GRIK2: variants seen among roughly 807,000 people sequenced by gnomAD.
GRIK2 encodes the protein glutamate ionotropic receptor kainate type subunit 2.
A neutral mutation model predicts 100.3 loss-of-function variants in GRIK2; 32 were observed. The ratio of observed to expected loss-of-function variants is 0.32; its 90% CI spans 0.24 to 0.43. The LOEUF (loss-of-function observed/expected upper bound fraction) is 0.43. Ranked by LOEUF, GRIK2 falls within the 20% of genes least tolerant of loss-of-function variation. The pLI, the probability that GRIK2 is intolerant of heterozygous loss-of-function variation, is 1.00. For synonymous variants in GRIK2, 417 were observed against 389.4 expected (o/e 1.07, Z -0.83); for missense variants, 843 against 1,114.9 (o/e 0.76, Z 3.47).
At chr6:101,504,681 T>C (rs1043131477) in intron 2 of GRIK2, among the ~76,000 whole-genome samples, 2 of 152,064 alleles carry the variant, frequency 1.3e-5, no homozygotes, top group Admixed American at 6.6e-5. Context: ...TTACATAAAA[T>C]ACTCTGTTTA....
chr6:102,032,942 A>G (rs1770074753), intron 14 of GRIK2, among the ~76,000 whole-genome samples: 1 of 151,242 alleles, frequency 6.6e-6, no homozygotes, highest in African/African-American at 2.4e-5. Flanking sequence ...AAAATCCATG[A>G]AATGTATATT....
At chr6:101,755,467 G>T (rs1020969865) in intron 7 of GRIK2, among the ~76,000 whole-genome samples, 2 of 151,844 alleles carry the variant, frequency 1.3e-5, no homozygotes, top group African/African-American at 4.8e-5. Flanking sequence ...GTGCCCGGCC[G>T]CATAAATCAT....
chr6:101,532,824 G>A lies in GRIK2; in HGVS notation c.116-89125G>A, dbSNP rs930297474. 2.6e-5 allele frequency among the ~76,000 whole-genome samples: 4 copies of A among 150,982 alleles called. 2 individuals carry two copies. Reference sequence around the variant, plus strand: ...AACCAATGCAAAAATGCAGACTTGAGTTTAAAGAAGTGAGAAGACAACAAA... The same window carrying A: ...AACCAATGCAAAAATGCAGACTTGAATTTAAAGAAGTGAGAAGACAACAAA... On this transcript the variant is annotated intron_variant, in intron 2 of 16. Transcript: ENST00000369134.
chr6:101,555,545 T>A (rs1776693796), intron 2 of GRIK2, among the ~76,000 whole-genome samples: 1 of 152,194 alleles, frequency 6.6e-6, no homozygotes, highest in Non-Finnish European at 1.5e-5. Flanking sequence ...AAGGCACATA[T>A]AGAATTTAAA....
intron 16 of GRIK2, among the ~76,000 whole-genome samples, chr6:102,060,944 A>G (rs1771720663): frequency 6.6e-6 from 1 of 150,672 alleles, no homozygotes; most frequent in African/African-American, 2.4e-5. Flanking sequence ...AAAAGTATAA[A>G]TAAACTTTGG....
At chr6:101,662,195 TC>T (rs1769677844) in intron 4 of GRIK2, among the ~76,000 whole-genome samples, 1 of 152,206 alleles carries the variant, frequency 6.6e-6, no homozygotes, top group African/African-American at 2.4e-5. Flanking sequence ...ATTAGTCTCT[TC>T]CAATTGCTGG....
rs912003527 is a variant in GRIK2 at position 101,914,230 on chromosome 6, T to C, written c.1749-10371T>C. Reference sequence around the variant, plus strand: ...AAAAGATAGATGATTTTAAGAATTCTAATCTGGATTGTGGGACAATGCTTG... The same window carrying C: ...AAAAGATAGATGATTTTAAGAATTCCAATCTGGATTGTGGGACAATGCTTG... On this transcript the variant is annotated intron_variant, in intron 12 of 16. Coordinates refer to ENST00000369134, the MANE Select transcript of GRIK2 (RefSeq NM_021956.5). Among the ~76,000 whole-genome samples the C allele has an allele frequency of 3.3e-5, 5 of 151,646 alleles. 1 individual carries two copies. The Admixed American group carries it at 3.3e-4, about 10-fold the overall frequency.
At chr6:101,890,683 T>G (rs1786992596) in intron 12 of GRIK2, among the ~76,000 whole-genome samples, 1 of 152,068 alleles carries the variant, frequency 6.6e-6, no homozygotes, top group South Asian at 2.1e-4. Flanking sequence ...ATTACTTTAT[T>G]TTACTCTCGG....
At chr6:101,470,540 T>C (rs979384242) in intron 2 of GRIK2, among the ~76,000 whole-genome samples, 1 of 152,160 alleles carries the variant, frequency 6.6e-6, no homozygotes, top group Non-Finnish European at 1.5e-5. Flanking sequence ...AATTTTTCTT[T>C]CTTTTTTCAG....
intron 14 of GRIK2, among the ~76,000 whole-genome samples, chr6:101,948,634 GT>G (rs1325725709): frequency 6.6e-6 from 1 of 150,860 alleles, no homozygotes; most frequent in African/African-American, 2.4e-5. Context: ...ATGTTAAAAG[GT>G]TTTTTTATTG....
intron 2 of GRIK2, among the ~76,000 whole-genome samples, chr6:101,520,666 G>C (rs1774837047): frequency 6.6e-6 from 1 of 152,004 alleles, no homozygotes; most frequent in African/African-American, 2.4e-5. Flanking sequence ...ACTTCTTTCT[G>C]AGAAAATAGC....
chr6:101,411,988 G>A (rs1775905497), intron 2 of GRIK2, among the ~76,000 whole-genome samples: 1 of 152,024 alleles, frequency 6.6e-6, no homozygotes, highest in Admixed American at 6.6e-5. Flanking sequence ...CTGTAGTTGA[G>A]AGGATTCCAA....
At chr6:101,840,768 T>A (rs933077864) in intron 10 of GRIK2, among the ~76,000 whole-genome samples, 1 of 151,798 alleles carries the variant, frequency 6.6e-6, no homozygotes. Flanking sequence ...TAGTTCTACA[T>A]AGTAATTGAT....
At chr6:101,869,039 CTT>C (rs1002445006) in intron 11 of GRIK2, among the ~76,000 whole-genome samples, 13 of 151,718 alleles carry the variant, frequency 8.6e-5, no homozygotes, top group African/African-American at 2.4e-4. Flanking sequence ...TCAGGGAAGT[CTT>C]TAAGCTTGAA....
intron 2 of GRIK2, among the ~76,000 whole-genome samples, chr6:101,552,673 T>A (rs967852385): frequency 6.6e-6 from 1 of 152,198 alleles, no homozygotes; most frequent in Non-Finnish European, 1.5e-5. Context: ...AATGTGGCAC[T>A]AATCATGATG....
chr6:101,435,678 T>C (rs1275666819), intron 2 of GRIK2, among the ~76,000 whole-genome samples: 1 of 152,120 alleles, frequency 6.6e-6, no homozygotes, highest in Non-Finnish European at 1.5e-5. Flanking sequence ...CTTTGATATC[T>C]CAAGATCCAT....
At chr6:101,561,356 A>G (rs62419630) in intron 2 of GRIK2, among the ~76,000 whole-genome samples, 9,069 of 151,558 alleles carry the variant, frequency 0.06, 420 homozygotes, top group Admixed American at 0.1. Context: ...AGAATGTAAT[A>G]GTGGTTACCA....
At chr6:101,520,664 C>T (rs1774836758) in intron 2 of GRIK2, among the ~76,000 whole-genome samples, 1 of 151,958 alleles carries the variant, frequency 6.6e-6, no homozygotes, top group Non-Finnish European at 1.5e-5. Context: ...CGACTTCTTT[C>T]TGAGAAAATA....
chr6:101,659,451 A>G (rs1407004527), intron 4 of GRIK2, among the ~76,000 whole-genome samples: 1 of 152,074 alleles, frequency 6.6e-6, no homozygotes, highest in Non-Finnish European at 1.5e-5. Flanking sequence ...GCAGTATGCC[A>G]TCAGCTTTGT....
Sources: allele counts gnomAD v4.1 joint callset (sites outside exome capture counted in the v4.1 genomes callset), GRCh38; gene constraint gnomAD v4.1.1; transcripts MANE v1.5; gene names NCBI Gene and HGNC (gene_info 2026-07-23, HGNC 2026-07-21).